The following CAPG variants were observed in gnomAD, a reference collection of about 807,000 sequenced individuals.
CAPG encodes capping actin protein, gelsolin like.
Under a neutral mutation model 44.6 loss-of-function variants are expected in CAPG, and 32 were observed. That is an observed-to-expected ratio of 0.72 (90% CI 0.54 to 0.96). CAPG has a LOEUF of 0.96. Among genes scored for constraint, CAPG ranks in the 50% least tolerant of loss-of-function variants. The probability of loss-of-function intolerance (pLI) is 0.00; values close to 1 mark genes in which losing one functional copy is unlikely to be tolerated. For synonymous variants in CAPG, 175 were observed against 179.6 expected (o/e 0.97, Z 0.20); for missense variants, 412 against 438.3 (o/e 0.94, Z 0.54).
intron 8 of CAPG, 93 bp downstream of exon 8, chr2:85,397,927 C>T (rs926541317): frequency 2.3e-6 from 3 of 1,287,576 alleles, no homozygotes; most frequent in African/African-American, 3.0e-5. Flanking sequence ...CTGTCTTTTA[C>T]AAGCAGCTAG....
chr2:85,398,911 G>A (rs2104795467), intron 6 of CAPG, 129 bp from the exon 7 acceptor site: 3 of 825,708 alleles, frequency 3.6e-6, no homozygotes, highest in South Asian at 1.7e-5. Context: ...GCAGAGGTGA[G>A]GTGAGTGAGG....
chr2:85,393,978 T>A (rs1686478691), downstream of CAPG, among the ~76,000 whole-genome samples: 1 of 152,210 alleles, frequency 6.6e-6, no homozygotes. Context: ...AGCCACATAG[T>A]CCAGAGGACC....
At chr2:85,398,430 G>C (rs549731041) in intron 7 of CAPG, 1 of 588,950 alleles carries the variant, frequency 1.7e-6, no homozygotes, top group South Asian at 2.1e-5. Context: ...ATTCAAGAAA[G>C]AAAAGCTCAG....
upstream of CAPG, among the ~76,000 whole-genome samples, chr2:85,412,342 T>C (rs1211794417): frequency 6.6e-6 from 1 of 152,020 alleles, no homozygotes; most frequent in East Asian, 1.9e-4. Context: ...TAAACCGCCA[T>C]CTCTACTAAA....
Position 85,398,684 on chromosome 2 carries a change from G to T in CAPG, c.759+6C>A. The T allele has an allele frequency of 6.3e-7, 1 of 1,594,094 alleles. No individual in the cohort carries two copies. The highest frequency in any genetic ancestry group is 1.1e-5 in the South Asian group (1 of 87,902). On this transcript the variant is annotated splice_donor_region_variant and intron_variant, in intron 7 of 9. Transcript: ENST00000263867. ...CCGGGTCCCAGGGCAGGCTTGGGGGGCCCACCTTATACAGAGCTGCGGCCT... is the reference window on the plus strand; with the variant it reads ...CCGGGTCCCAGGGCAGGCTTGGGGGTCCCACCTTATACAGAGCTGCGGCCT...
At chr2:85,417,042 T>A (rs1372753313) in intron 1 of CAPG, among the ~76,000 whole-genome samples, 1 of 152,188 alleles carries the variant, frequency 6.6e-6, no homozygotes, top group Non-Finnish European at 1.5e-5. Context: ...TCCTTGTGAC[T>A]TCTTGGGAAA....
At chr2:85,412,100 T>G (rs1031259899), upstream of CAPG, among the ~76,000 whole-genome samples, 3 of 151,080 alleles carry the variant, frequency 2.0e-5, no homozygotes, top group African/African-American at 7.3e-5. Context: ...TGTTTCTCAT[T>G]GAAACGAAAT....
chr2:85,401,273 G>C lies in CAPG; in HGVS notation c.408C>G (p.Ile136Met), dbSNP rs760273912. 6.2e-6 allele frequency: 10 copies of C among 1,614,168 alleles called. No homozygotes were observed. Among genetic ancestry groups the C allele is most frequent in the Non-Finnish European group, 7.6e-6 (9 of 1,180,012 alleles). The change falls in exon 5 of 10, where the codon ATC (isoleucine) becomes ATG (methionine). Residue 136 changes from isoleucine (I) to methionine (M), a missense_variant. Ile to Met is a conservative substitution (Grantham distance 10). Coordinates refer to ENST00000263867, the MANE Select transcript of CAPG (RefSeq NM_001747.4). Reference sequence around the variant, plus strand: ...TCCCCTTCACCTGGTAGAGTTTCTTGATGGCAGCTGGGGCTCCTGTGGAGG... The same window carrying C: ...TCCCCTTCACCTGGTAGAGTTTCTTCATGGCAGCTGGGGCTCCTGTGGAGG... ...HKTSTGAPAAIKKLYQVKGKK... is the reference protein window; with the variant it reads ...HKTSTGAPAAMKKLYQVKGKK...
At chr2:85,402,420 TTAAAA>T (rs1483922610) in intron 1 of CAPG, among the ~76,000 whole-genome samples, 2 of 152,082 alleles carry the variant, frequency 1.3e-5, no homozygotes, top group East Asian at 3.9e-4. Context: ...CTCACAGAAA[TTAAAA>T]TAAAAGCAGA....
chr2:85,407,298 G>A (rs1687206938), intron 1 of CAPG, among the ~76,000 whole-genome samples: 1 of 152,090 alleles, frequency 6.6e-6, no homozygotes. Context: ...GTCTGGAATG[G>A]GGCTTGATCA....
At chr2:85,407,919 AG>A (rs1285691357) in intron 1 of CAPG, among the ~76,000 whole-genome samples, 1 of 151,920 alleles carries the variant, frequency 6.6e-6, no homozygotes. Flanking sequence ...CTTTTGTTCC[AG>A]TCTCTCCTGG....
Position 85,399,449 on chromosome 2 carries a change from C to T in CAPG, c.517-164G>A, listed in dbSNP as rs138462988. Among the ~76,000 whole-genome samples the T allele has an allele frequency of 2.3e-3, 352 of 152,340 alleles. 1 individual carries two copies. Among genetic ancestry groups the T allele is most frequent in the African/African-American group, 8.1e-3 (336 of 41,574 alleles). On this transcript the variant is annotated intron_variant, in intron 5 of 9. Coordinates refer to ENST00000263867, the MANE Select transcript of CAPG (RefSeq NM_001747.4). ...ACAGAGGGCTCTCTGAAAATGCCCACGACCACCCACTGCAACTGTTTCTCT... is the reference window on the plus strand; with the variant it reads ...ACAGAGGGCTCTCTGAAAATGCCCATGACCACCCACTGCAACTGTTTCTCT...
intron 7 of CAPG, 149 bp downstream of exon 7, chr2:85,398,541 C>T: frequency 1.5e-6 from 1 of 673,660 alleles, no homozygotes; most frequent in South Asian, 1.8e-5. Context: ...TGTCTCACTC[C>T]CAGCCCTGTA....
rs118014486 is a variant in CAPG at position 85,406,576 on chromosome 2, G to A, written c.-14+3741C>T. On this transcript the variant is annotated intron_variant, in intron 1 of 9. Coordinates refer to ENST00000263867, the MANE Select transcript of CAPG (RefSeq NM_001747.4). Reference sequence around the variant, plus strand: ...CTGTATTCAGCAAGAATCCTGTTAGGGGCCGGGCACAGTGGCTCATGCCTG... The same window carrying A: ...CTGTATTCAGCAAGAATCCTGTTAGAGGCCGGGCACAGTGGCTCATGCCTG... Among the ~76,000 whole-genome samples, 31 of 152,060 alleles carry A rather than the reference G, an allele frequency of 2.0e-4. No individual in the cohort carries two copies. The East Asian group carries it at 6.1e-3, about 30-fold the overall frequency.
At chr2:85,416,350 T>C (rs1053849444) in intron 1 of CAPG, among the ~76,000 whole-genome samples, 5 of 152,154 alleles carry the variant, frequency 3.3e-5, no homozygotes, top group Admixed American at 6.5e-5. Context: ...CAGTTTCCCA[T>C]CTGTGAATGA....
intron 1 of CAPG, 122 bp from the exon 2 acceptor site, chr2:85,402,280 G>A (rs1573182076): frequency 1.1e-5 from 8 of 728,414 alleles, no homozygotes; most frequent in Non-Finnish European, 1.9e-5. Flanking sequence ...TCCACCTCTA[G>A]GAGCCCTAGT....
At position 85,395,400 on chromosome 2, in the gene CAPG, A is replaced by G; in HGVS notation, c.981+138T>C. 1.5e-6 allele frequency: 1 copy of G among 662,224 alleles called. No individual in the cohort carries two copies. The highest frequency in any genetic ancestry group is 2.7e-6 in the Non-Finnish European group (1 of 367,066). 41.0% of individuals were successfully genotyped at this position (662,224 alleles called of 1,614,324 possible). A position where few individuals can be genotyped will look rare whatever the true frequency, so the allele number is the denominator to read the frequency against. On this transcript the variant is annotated intron_variant, in intron 9 of 9. Transcript: ENST00000263867. The surrounding 1 kb of genome is among the most constrained non-coding windows in gnomAD (Gnocchi z 4.3). The stretch of plus-strand genomic sequence containing the variant: ...TTGAAGGATTGAGATGGGCTTTCCC[A>G]CTGGATGGGTCTAAGAGGGAGGCCT...
chr2:85,392,514 C>G (rs1218189990), downstream of CAPG, among the ~76,000 whole-genome samples: 1 of 152,154 alleles, frequency 6.6e-6, no homozygotes, highest in Non-Finnish European at 1.5e-5. Context: ...CTATGGAAGA[C>G]CACTATCTGG....
Position 85,395,948 on chromosome 2 carries a change from C to A in CAPG, c.893-322G>T. On this transcript the variant is annotated intron_variant, in intron 8 of 9. Transcript: ENST00000263867. This position sits in a 1 kb window ranked among gnomAD's most constrained non-coding sequence, Gnocchi z 4.3. ...TCACCCTAGCATCAGACTGTGAGGC[C>A]GCAGGTCTCCTTTTCCTCTAGGACC... 3.4e-6 allele frequency: 1 copy of A among 293,682 alleles called. No homozygotes were observed. Among genetic ancestry groups the A allele is most frequent in the Non-Finnish European group, 6.5e-6 (1 of 155,034 alleles). 18.2% of individuals were successfully genotyped at this position (293,682 alleles called of 1,614,324 possible).
Sources: gnomAD v4.1 joint callset for allele counts (sites outside exome capture counted in the v4.1 genomes callset) on GRCh38, gnomAD v4.1.1 for gene constraint, Gnocchi (gnomAD v3.1) non-coding constraint, MANE v1.5 for transcripts, NCBI Gene and HGNC (gene_info 2026-07-23, HGNC 2026-07-21) for gene names.